DLG2: variants seen among roughly 807,000 people sequenced by gnomAD.
DLG2 encodes the protein disks large homolog 2.
A neutral mutation model predicts 132.5 loss-of-function variants in DLG2; 45 were observed. The ratio of observed to expected loss-of-function variants is 0.34; its 90% CI spans 0.27 to 0.44. The LOEUF (loss-of-function observed/expected upper bound fraction) is 0.44. DLG2 is among the 20% of genes least tolerant of loss of function. The probability of loss-of-function intolerance (pLI) is 1.00; values close to 1 mark genes in which losing one functional copy is unlikely to be tolerated. For synonymous variants in DLG2, 424 were observed against 419.6 expected (o/e 1.01, Z -0.13); for missense variants, 1,045 against 1,196.9 (o/e 0.87, Z 1.87).
intron 3 of DLG2, among the ~76,000 whole-genome samples, chr11:85,447,949 G>A (rs1288502825): frequency 6.6e-6 from 1 of 152,058 alleles, no homozygotes; most frequent in East Asian, 1.9e-4. Flanking sequence ...ATAATTCTAG[G>A]AATTCTCTGA....
intron 21 of DLG2, among the ~76,000 whole-genome samples, chr11:83,496,164 T>C (rs11233642): frequency 6.7e-6 from 1 of 150,286 alleles, no homozygotes; most frequent in East Asian, 1.9e-4. Context: ...AGCTAGAGAC[T>C]TGACTGGATA....
At chr11:85,552,723 A>G (rs2076734079) in intron 3 of DLG2, among the ~76,000 whole-genome samples, 1 of 151,474 alleles carries the variant, frequency 6.6e-6, no homozygotes, top group Admixed American at 6.6e-5. Flanking sequence ...GCTTAAGAAA[A>G]TTACCCAAAA....
rs1031889903 is a variant in DLG2 at position 85,626,621 on chromosome 11, T to C, written c.-127A>G. ...CACCTGTCTTCTTGACTGGCATTCT[T>C]GGGTCTTTCCACTGCCACAGGAGTC... On this transcript the variant is annotated 5_prime_UTR_variant, in exon 2 of 28. Coordinates refer to ENST00000376104, the MANE Select transcript of DLG2 (RefSeq NM_001142699.3). 2 of 152,212 alleles carry C rather than the reference T, an allele frequency of 1.3e-5. No homozygotes were observed. The highest frequency in any genetic ancestry group is 4.1e-4 in the South Asian group (2 of 4,832). The allele number at this position is 152,212 out of a possible 1,614,324, so 9.4% of individuals were successfully genotyped here.
At position 84,053,861 on chromosome 11, in the gene DLG2, T is replaced by C. The variant is rs376349061; in HGVS notation, c.919+5454A>G. Among the ~76,000 whole-genome samples, 3 of 152,136 alleles carry C rather than the reference T, an allele frequency of 2.0e-5. No homozygotes were observed. The East Asian group carries it at 5.8e-4, about 29-fold the overall frequency. ...GTTACCATTTTTCCTGTACAAAACATAAACTCACAATCTTTACTACATTCT... is the reference window on the plus strand; with the variant it reads ...GTTACCATTTTTCCTGTACAAAACACAAACTCACAATCTTTACTACATTCT... On this transcript the variant is annotated intron_variant, in intron 11 of 27. Coordinates refer to ENST00000376104, the MANE Select transcript of DLG2 (RefSeq NM_001142699.3).
At chr11:84,964,009 T>A (rs2052973432) in intron 6 of DLG2, among the ~76,000 whole-genome samples, 1 of 152,102 alleles carries the variant, frequency 6.6e-6, no homozygotes, top group African/African-American at 2.4e-5. Context: ...GTAAAATATA[T>A]TTCCACTTAA....
At chr11:85,501,115 C>G (rs2093791607) in intron 3 of DLG2, among the ~76,000 whole-genome samples, 1 of 152,130 alleles carries the variant, frequency 6.6e-6, no homozygotes, top group South Asian at 2.1e-4. Flanking sequence ...AATAACAACA[C>G]ACATCTACCA....
In DLG2 at chr11:84,888,489, C is replaced by T. The variant is rs1363649348; in HGVS notation, c.357+223172G>A. 2.0e-5 allele frequency among the ~76,000 whole-genome samples: 3 copies of T among 151,980 alleles called. No individual in the cohort carries two copies. The East Asian group carries it at 5.8e-4, about 29-fold the overall frequency. On this transcript the variant is annotated intron_variant, in intron 6 of 27. Transcript: ENST00000376104. The stretch of plus-strand genomic sequence containing the variant: ...CTTTTGGAGTGAAATTGAATGATAC[C>T]ATTTTCCAACTTGCAGACAGCAAGT...
chr11:85,350,672 T>TC (rs1309805703), intron 3 of DLG2, among the ~76,000 whole-genome samples: 1 of 152,216 alleles, frequency 6.6e-6, no homozygotes, highest in Non-Finnish European at 1.5e-5. Context: ...GGCAATCCTT[T>TC]CCCCACTTCT....
chr11:83,597,131 G>A lies in DLG2; in HGVS notation c.1940+36080C>T, dbSNP rs549968387. ...TCAACAGTTGTATCTATAAAATAGG[G>A]ATGGATAGATACCTACTTCAAAAGA... is the stretch of plus-strand genomic sequence containing the variant. On this transcript the variant is annotated intron_variant, in intron 19 of 27. Coordinates refer to ENST00000376104, the MANE Select transcript of DLG2 (RefSeq NM_001142699.3). Among the ~76,000 whole-genome samples, 21 of 152,262 alleles carry A rather than the reference G, an allele frequency of 1.4e-4. No homozygotes were observed. In the South Asian group the frequency reaches 4.4e-3, roughly 32 times the overall value.
intron 5 of DLG2, among the ~76,000 whole-genome samples, chr11:85,131,073 C>T (rs912484740): frequency 2.6e-5 from 4 of 151,780 alleles, no homozygotes; most frequent in Non-Finnish European, 4.4e-5. Context: ...AATCACAATA[C>T]TGGAGTAATG....
chr11:83,779,573 A>G (rs772156131), intron 18 of DLG2, among the ~76,000 whole-genome samples: 15 of 152,128 alleles, frequency 9.9e-5, no homozygotes, highest in Non-Finnish European at 1.9e-4. Context: ...CCCCATCATG[A>G]GCTACTACAG....
At chr11:85,523,847 T>C (rs2074520373) in intron 3 of DLG2, among the ~76,000 whole-genome samples, 1 of 152,072 alleles carries the variant, frequency 6.6e-6, no homozygotes, top group Admixed American at 6.5e-5. Context: ...CCTCAACAGA[T>C]GAATGAATAA....
At chr11:83,892,973 C>T (rs1157884714) in intron 15 of DLG2, among the ~76,000 whole-genome samples, 1 of 152,180 alleles carries the variant, frequency 6.6e-6, no homozygotes, top group African/African-American at 2.4e-5. Flanking sequence ...CCTCCCATGT[C>T]AGTTTGGCCT....
chr11:83,640,510 T>C (rs890207371), intron 18 of DLG2, among the ~76,000 whole-genome samples: 1 of 152,202 alleles, frequency 6.6e-6, no homozygotes, highest in South Asian at 2.1e-4. Flanking sequence ...ATTATAAATG[T>C]TTCCATTTCT....
In DLG2 at chr11:83,487,952, G is replaced by GT. The variant is rs756772998; in HGVS notation, c.2194-3725dup. Among the ~76,000 whole-genome samples the GT allele has an allele frequency of 3.5e-3, 535 of 151,720 alleles. 1 individual carries two copies. The highest frequency in any genetic ancestry group is 4.7e-3 in the Non-Finnish European group (319 of 67,800). ...CAGAGATTGGGAAGTGGCAGCCAAG[G>GT]TTTTTTTTAGGGGAGATAAAATGTT... On this transcript the variant is annotated intron_variant, in intron 21 of 27. Coordinates refer to ENST00000376104, the MANE Select transcript of DLG2 (RefSeq NM_001142699.3).
At chr11:84,184,113 A>G (rs1211213261) in intron 8 of DLG2, among the ~76,000 whole-genome samples, 1 of 152,168 alleles carries the variant, frequency 6.6e-6, no homozygotes, top group African/African-American at 2.4e-5. Flanking sequence ...GCTGGGTCAA[A>G]TGGTATTTTT....
intron 7 of DLG2, among the ~76,000 whole-genome samples, chr11:84,360,790 AT>A (rs1362237531): frequency 6.6e-6 from 1 of 151,982 alleles, no homozygotes; most frequent in Non-Finnish European, 1.5e-5. Flanking sequence ...TAGGAAAAAA[AT>A]GAATTAATAG....
At chr11:83,894,019 A>G (rs889078684) in intron 15 of DLG2, among the ~76,000 whole-genome samples, 2 of 152,258 alleles carry the variant, frequency 1.3e-5, no homozygotes, top group Non-Finnish European at 2.9e-5. Context: ...TTATCAAGGC[A>G]TATCCTCATT....
intron 6 of DLG2, among the ~76,000 whole-genome samples, chr11:84,886,964 C>T (rs2088436196): frequency 6.6e-6 from 1 of 152,120 alleles, no homozygotes. Flanking sequence ...GATTCTCATT[C>T]AGATTCTAAT....
Sources: gnomAD v4.1 joint callset for allele counts (sites outside exome capture counted in the v4.1 genomes callset) on GRCh38, gnomAD v4.1.1 for gene constraint, MANE v1.5 for transcripts, NCBI Gene and HGNC (gene_info 2026-07-23, HGNC 2026-07-21) for gene names.